The following SAMD4A variants were observed in gnomAD, a reference collection of about 807,000 sequenced individuals.
The protein encoded by SAMD4A is protein Smaug homolog 1.
A neutral mutation model predicts 81.3 loss-of-function variants in SAMD4A; 33 were observed. The observed-to-expected ratio is 0.41, with a 90% confidence interval of 0.31 to 0.54. The LOEUF is 0.54. Ranked by LOEUF, SAMD4A falls within the 20% of genes least tolerant of loss-of-function variation. The pLI is 0.37. For missense variants in SAMD4A, 854 were observed against 951.1 expected (o/e 0.90, Z 1.34); for synonymous variants, 389 against 382.1 (o/e 1.02, Z -0.21).
intron 11 of SAMD4A, 37 bp downstream of exon 11, chr14:54,776,577 G>A (rs1437913761): frequency 8.0e-6 from 12 of 1,492,352 alleles, no homozygotes; most frequent in South Asian, 4.1e-5. Flanking sequence ...TGACACAGAG[G>A]GGAGGCCAAA....
chr14:54,581,046 T>C (rs1468237112), intron 2 of SAMD4A, among the ~76,000 whole-genome samples: 3 of 152,176 alleles, frequency 2.0e-5, no homozygotes, highest in Non-Finnish European at 4.4e-5. Context: ...CTCAGACCCT[T>C]ACAGAAGACC....
chr14:54,773,571 C>T (rs1461026740), intron 9 of SAMD4A, among the ~76,000 whole-genome samples: 3 of 152,192 alleles, frequency 2.0e-5, no homozygotes, highest in Non-Finnish European at 2.9e-5. Context: ...GCTGAGGTCA[C>T]CCAACCCAAC....
At chr14:54,756,428 T>C (rs920762184) in intron 6 of SAMD4A, among the ~76,000 whole-genome samples, 8 of 152,166 alleles carry the variant, frequency 5.3e-5, no homozygotes, top group African/African-American at 1.9e-4. Context: ...CATGCAGTGG[T>C]GGTCAGGGAT....
At chr14:54,696,806 C>T (rs1326862985) in intron 2 of SAMD4A, 1 of 152,084 alleles carries the variant, frequency 6.6e-6, no homozygotes, top group African/African-American at 2.4e-5. Flanking sequence ...ATTAAACATC[C>T]ATGTAATAGA....
chr14:54,641,829 G>T (rs1045560797), intron 2 of SAMD4A, among the ~76,000 whole-genome samples: 3 of 151,976 alleles, frequency 2.0e-5, no homozygotes, highest in Non-Finnish European at 4.4e-5. Flanking sequence ...ATAGAGTCTC[G>T]CTCTGTCACC....
chr14:54,585,365 T>A (rs2033585985), intron 2 of SAMD4A, among the ~76,000 whole-genome samples: 1 of 152,220 alleles, frequency 6.6e-6, no homozygotes, highest in African/African-American at 2.4e-5. Context: ...CCTGTAAGTG[T>A]AGTTTCTGGA....
intron 2 of SAMD4A, among the ~76,000 whole-genome samples, chr14:54,666,972 C>T (rs900627783): frequency 1.3e-5 from 2 of 151,984 alleles, no homozygotes; most frequent in Admixed American, 6.6e-5. Flanking sequence ...TTCACTTGAG[C>T]AGAATGACAA....
intron 8 of SAMD4A, among the ~76,000 whole-genome samples, chr14:54,765,052 G>A (rs1273436882): frequency 6.6e-6 from 1 of 152,192 alleles, no homozygotes; most frequent in Non-Finnish European, 1.5e-5. Context: ...GAGGCAGGCT[G>A]CAGGTGTGCC....
At chr14:54,703,995 G>C (rs2036787932) in intron 3 of SAMD4A, 1 of 152,182 alleles carries the variant, frequency 6.6e-6, no homozygotes, top group Non-Finnish European at 1.5e-5. Context: ...ACAGCTACAT[G>C]AACTGAAACA....
intron 12 of SAMD4A, among the ~76,000 whole-genome samples, chr14:54,788,231 A>G (rs1328404332): frequency 6.6e-6 from 1 of 152,202 alleles, no homozygotes; most frequent in Non-Finnish European, 1.5e-5. Flanking sequence ...AGCTGTGGAC[A>G]GGGTCACAGC....
At chr14:54,573,093 G>C (rs1168671810) in intron 2 of SAMD4A, among the ~76,000 whole-genome samples, 1 of 152,174 alleles carries the variant, frequency 6.6e-6, no homozygotes, top group Non-Finnish European at 1.5e-5. Context: ...GAAATATTTA[G>C]GGGCTTTATA....
chr14:54,624,067 C>G (rs1474684068), intron 2 of SAMD4A, among the ~76,000 whole-genome samples: 2 of 152,164 alleles, frequency 1.3e-5, no homozygotes, highest in African/African-American at 4.8e-5. Context: ...ACTCCGCCTC[C>G]CGGGTTCTAG....
chr14:54,628,113 T>A (rs2034808594), intron 2 of SAMD4A, among the ~76,000 whole-genome samples: 1 of 152,110 alleles, frequency 6.6e-6, no homozygotes, highest in Non-Finnish European at 1.5e-5. Flanking sequence ...CCCAGAGTTG[T>A]TGGATTGCCA....
At chr14:54,725,010 T>G (rs1566605513) in intron 3 of SAMD4A, among the ~76,000 whole-genome samples, 1 of 152,182 alleles carries the variant, frequency 6.6e-6, no homozygotes, top group East Asian at 1.9e-4. Context: ...GGCTGTAATG[T>G]CTTTTTCAAC....
intron 2 of SAMD4A, among the ~76,000 whole-genome samples, chr14:54,583,255 G>A (rs932226809): frequency 1.2e-4 from 18 of 152,158 alleles, no homozygotes; most frequent in African/African-American, 4.3e-4. Context: ...AGGAACCCCA[G>A]CTAAATTTGA....
intron 2 of SAMD4A, among the ~76,000 whole-genome samples, chr14:54,578,727 A>T (rs1481826533): frequency 2.6e-5 from 4 of 152,092 alleles, no homozygotes; most frequent in Admixed American, 2.6e-4. Flanking sequence ...AATAAAAAAT[A>T]AAAATAAAAG....
Position 54,790,792 on chromosome 14 carries a change from T to TA in SAMD4A, c.*1852dup, listed in dbSNP as rs1268475405. ...AAAGCTAATGAACTACATACAGACCTAAAAGGCCTTAATGAAATCCGAACA... is the reference window on the plus strand; with the variant it reads ...AAAGCTAATGAACTACATACAGACCTAAAAAGGCCTTAATGAAATCCGAACA... On this transcript the variant is annotated 3_prime_UTR_variant, in exon 13 of 13. Coordinates refer to ENST00000554335, the MANE Select transcript of SAMD4A (RefSeq NM_015589.6). 6.6e-6 allele frequency: 1 copy of TA among 151,570 alleles called. No homozygotes were observed. Among genetic ancestry groups the TA allele is most frequent in the Admixed American group, 6.6e-5 (1 of 15,212 alleles). 9.4% of individuals were successfully genotyped at this position (151,570 alleles called of 1,614,324 possible). A position where few individuals can be genotyped will look rare whatever the true frequency, so the allele number is the denominator to read the frequency against.
At chr14:54,572,201 G>T (rs909738866) in intron 2 of SAMD4A, among the ~76,000 whole-genome samples, 1 of 152,188 alleles carries the variant, frequency 6.6e-6, no homozygotes, top group Non-Finnish European at 1.5e-5. Context: ...TATCATAGGT[G>T]TTGAAGCATA....
chr14:54,754,704 A>C (rs2038193703), intron 6 of SAMD4A: 1 of 325,978 alleles, frequency 3.1e-6, no homozygotes, highest in East Asian at 1.6e-4. Flanking sequence ...AAAAAAAGTC[A>C]TCTGCCCTTG....
Sources: allele counts gnomAD v4.1 joint callset (sites outside exome capture counted in the v4.1 genomes callset), GRCh38; gene constraint gnomAD v4.1.1; transcripts MANE v1.5; gene names NCBI Gene and HGNC (gene_info 2026-07-23, HGNC 2026-07-21).